RUNX1: variants seen among roughly 807,000 people sequenced by gnomAD.
RUNX1 encodes the protein RUNX family transcription factor 1.
A neutral mutation model predicts 42.8 loss-of-function variants in RUNX1; 19 were observed. That is an observed-to-expected ratio of 0.44 (90% CI 0.31 to 0.65). The LOEUF (loss-of-function observed/expected upper bound fraction) is 0.65, where lower values mean the gene tolerates loss of function less well. Among genes scored for constraint, RUNX1 ranks in the 30% least tolerant of loss-of-function variants. RUNX1 has a pLI of 0.07. For missense variants in RUNX1, 528 were observed against 672.0 expected, an observed-to-expected ratio of 0.79 and a Z score of 2.37; for synonymous variants, 271 against 289.4, an observed-to-expected ratio of 0.94 and a Z score of 0.64.
At chr21:34,998,572 T>G (rs555913147) in intron 2 of RUNX1, among the ~76,000 whole-genome samples, 1 of 152,096 alleles carries the variant, frequency 6.6e-6, no homozygotes, top group Admixed American at 6.6e-5. Flanking sequence ...GATGGAGTCT[T>G]GCTCTGTCAC....
intron 2 of RUNX1, among the ~76,000 whole-genome samples, chr21:35,035,017 C>T (rs1051639344): frequency 2.0e-5 from 3 of 152,170 alleles, no homozygotes; most frequent in East Asian, 1.9e-4. Context: ...TTAGTGACCA[C>T]GCGCACTCAC....
chr21:35,016,086 A>C (rs2146928651), intron 2 of RUNX1, among the ~76,000 whole-genome samples: 1 of 152,338 alleles, frequency 6.6e-6, no homozygotes, highest in African/African-American at 2.4e-5. Flanking sequence ...AAAACGCTGA[A>C]GAGTCCATCA....
chr21:35,003,273 C>G (rs935047105), intron 2 of RUNX1, among the ~76,000 whole-genome samples: 3 of 152,190 alleles, frequency 2.0e-5, no homozygotes, highest in Non-Finnish European at 4.4e-5. Flanking sequence ...GTGTGGGATG[C>G]CAAGAACTTG....
At chr21:34,918,095 T>C (rs1206085699) in intron 2 of RUNX1, among the ~76,000 whole-genome samples, 1 of 126,646 alleles carries the variant, frequency 7.9e-6, no homozygotes, top group African/African-American at 3.1e-5. Flanking sequence ...GCCACTGCAC[T>C]CCAGCCTGGG....
Position 34,792,420 on chromosome 21 carries a change from G to C in RUNX1, c.1158C>G (p.Pro386=). 2 of 1,570,892 alleles carry C rather than the reference G, an allele frequency of 1.3e-6. No homozygotes were observed. Among genetic ancestry groups the C allele is most frequent in the Non-Finnish European group, 1.7e-6 (2 of 1,158,206 alleles). Residue 386 remains proline, a synonymous_variant, in exon 9 of 9, where the codon CCC becomes CCG. Transcript: ENST00000675419. The surrounding 1 kb of genome is among the most constrained non-coding windows in gnomAD (Gnocchi z 6.9). ...RYHTYLPPPY[P]GSSQAQGGPF... ...GGCCTCCCTGCGCTTGCGACGAGCC[G>C]GGGTAGGGCGGCGGCAGGTAGGTGT...
intron 2 of RUNX1, among the ~76,000 whole-genome samples, chr21:34,941,594 T>G (rs572014937): frequency 6.6e-6 from 1 of 152,330 alleles, no homozygotes; most frequent in South Asian, 2.1e-4. Context: ...TCTTCTCATG[T>G]ATGACATGTT....
At chr21:34,883,527 A>G (rs757910958) in intron 4 of RUNX1, among the ~76,000 whole-genome samples, 5 of 152,238 alleles carry the variant, frequency 3.3e-5, no homozygotes, top group Non-Finnish European at 7.3e-5. Context: ...AAAAATATCT[A>G]ACTTCAAACA....
intron 2 of RUNX1, among the ~76,000 whole-genome samples, chr21:34,958,202 C>T (rs1054929030): frequency 6.6e-6 from 1 of 152,152 alleles, no homozygotes; most frequent in Non-Finnish European, 1.5e-5. Flanking sequence ...GACTCCAAGT[C>T]TAGACACTGC....
Position 34,790,855 on chromosome 21 carries a change from C to CT in RUNX1, c.*1279dup, listed in dbSNP as rs943196167. 65 of 233,246 alleles carry CT rather than the reference C, an allele frequency of 2.8e-4. No homozygotes were observed. The highest frequency in any genetic ancestry group is 1.4e-3 in the African/African-American group (62 of 45,438). 14.4% of individuals were successfully genotyped at this position (233,246 alleles called of 1,614,324 possible). ...TGATTTGGTTCCTATGTAAATGTGG[C>CT]TCCCCTACACAGTTTACTTTGGCTG... On this transcript the variant is annotated 3_prime_UTR_variant, in exon 9 of 9. Coordinates refer to ENST00000675419, the MANE Select transcript of RUNX1 (RefSeq NM_001754.5).
intron 7 of RUNX1, among the ~76,000 whole-genome samples, chr21:34,817,078 T>C (rs1053591441): frequency 1.3e-5 from 2 of 152,190 alleles, no homozygotes; most frequent in Non-Finnish European, 2.9e-5. Flanking sequence ...AGTGCAGGGC[T>C]AAGGGAACCT....
chr21:34,957,281 C>A (rs1432197403), intron 2 of RUNX1, among the ~76,000 whole-genome samples: 2 of 152,146 alleles, frequency 1.3e-5, no homozygotes, highest in Non-Finnish European at 2.9e-5. Context: ...CCTCACTACT[C>A]CCTGGAACAC....
At chr21:35,003,342 A>G (rs1158039896) in intron 2 of RUNX1, among the ~76,000 whole-genome samples, 1 of 152,162 alleles carries the variant, frequency 6.6e-6, no homozygotes, top group African/African-American at 2.4e-5. Flanking sequence ...AGCTGGTAGG[A>G]AAATCATGGG....
At position 34,854,003 on chromosome 21, in the gene RUNX1, G is replaced by A. The variant is rs551192423; in HGVS notation, c.613+5471C>T. Reference sequence around the variant, plus strand: ...GATTTTTGTATTTTCTGGTAGAGATGGGGTTTTCCTGTGTTGGCCAGGCTG... The same window carrying A: ...GATTTTTGTATTTTCTGGTAGAGATAGGGTTTTCCTGTGTTGGCCAGGCTG... On this transcript the variant is annotated intron_variant, in intron 6 of 8. Coordinates refer to ENST00000675419, the MANE Select transcript of RUNX1 (RefSeq NM_001754.5). Among the ~76,000 whole-genome samples the A allele has an allele frequency of 2.6e-5, 4 of 152,170 alleles. No homozygotes were observed. In the South Asian group the frequency reaches 8.3e-4, roughly 32 times the overall value.
chr21:35,028,455 G>A (rs1367965337), intron 2 of RUNX1, among the ~76,000 whole-genome samples: 1 of 152,108 alleles, frequency 6.6e-6, no homozygotes, highest in East Asian at 1.9e-4. Flanking sequence ...GGAGCCACCT[G>A]GCTGCCTCAT....
chr21:35,047,561 A>ACACTCTCTCTCTCT (rs1428982623), intron 2 of RUNX1, among the ~76,000 whole-genome samples: 1 of 46,760 alleles, frequency 2.1e-5, no homozygotes, highest in African/African-American at 8.6e-5. Flanking sequence ...ACACACACAC[A>ACACTCTCTCTCTCT]CTCTCTCTCT....
At chr21:34,943,847 A>G (rs572308186) in intron 2 of RUNX1, among the ~76,000 whole-genome samples, 22 of 152,204 alleles carry the variant, frequency 1.4e-4, no homozygotes, top group Non-Finnish European at 2.8e-4. Context: ...CTCGCCTGAC[A>G]GAGATAGTAG....
intron 2 of RUNX1, among the ~76,000 whole-genome samples, chr21:35,025,906 T>G (rs915839916): frequency 1.3e-5 from 2 of 152,192 alleles, no homozygotes; most frequent in Non-Finnish European, 2.9e-5. Flanking sequence ...TTGCTCGTTA[T>G]GAACACAGGA....
At chr21:34,982,397 G>GGTGTGTGT (rs56091299) in intron 2 of RUNX1, among the ~76,000 whole-genome samples, 78,174 of 148,094 alleles carry the variant, frequency 0.53, 20,590 homozygotes, top group Middle Eastern at 0.55. Flanking sequence ...AGTCAAAAGG[G>GGTGTGTGT]GTGTGTGTGT....
At chr21:34,986,990 G>A (rs1053554664) in intron 2 of RUNX1, among the ~76,000 whole-genome samples, 6 of 152,194 alleles carry the variant, frequency 3.9e-5, no homozygotes, top group Non-Finnish European at 5.9e-5. Flanking sequence ...CAATGGGACC[G>A]ACATGATTGA....
Sources: allele counts gnomAD v4.1 joint callset (sites outside exome capture counted in the v4.1 genomes callset), GRCh38; gene constraint gnomAD v4.1.1; non-coding constraint Gnocchi (gnomAD v3.1); transcripts MANE v1.5; gene names NCBI Gene and HGNC (gene_info 2026-07-23, HGNC 2026-07-21).